Variants in PDE10A observed in about 807,000 individuals in gnomAD.
The protein encoded by PDE10A is phosphodiesterase 10A.
Under a neutral mutation model 97.7 loss-of-function variants are expected in PDE10A, and 39 were observed. The observed-to-expected ratio is 0.40, with a 90% CI of 0.31 to 0.52. The LOEUF is 0.52. Ranked by LOEUF, PDE10A falls within the 20% of genes least tolerant of loss-of-function variation. The pLI is 0.56. For synonymous variants in PDE10A, 371 were observed against 376.8 expected, an observed-to-expected ratio of 0.98 and a Z score of 0.18; for missense variants, 731 against 1,047.8, an observed-to-expected ratio of 0.70 and a Z score of 4.17.
At chr6:165,794,444 TCA>T (rs1171109710) in intron 1 of PDE10A, among the ~76,000 whole-genome samples, 13 of 151,296 alleles carry the variant, frequency 8.6e-5, no homozygotes, top group South Asian at 6.3e-4. Context: ...TCACTTGTAC[TCA>T]CACACTCACA....
intron 1 of PDE10A, among the ~76,000 whole-genome samples, chr6:165,613,996 C>T (rs1356006724): frequency 6.6e-6 from 1 of 152,190 alleles, no homozygotes; most frequent in African/African-American, 2.4e-5. Flanking sequence ...AAACTGGAGG[C>T]CAGCCTGGGA....
rs77772574 is a variant in PDE10A, at chr6:165,736,494, C to T, written c.-614-192926G>A. 2.3e-3 allele frequency among the ~76,000 whole-genome samples: 344 copies of T among 152,298 alleles called. 3 individuals carry two copies. The highest frequency in any genetic ancestry group is 8.0e-3 in the African/African-American group (333 of 41,558). On this transcript the variant is annotated intron_variant, in intron 1 of 19. Transcript: ENST00000366882. Reference sequence around the variant, plus strand: ...ACCAACTTCACTGTGGACCCCAGCGCCAGGCTCATGCCACTGAACCCTCGT... The same window carrying T: ...ACCAACTTCACTGTGGACCCCAGCGTCAGGCTCATGCCACTGAACCCTCGT...
intron 1 of PDE10A, among the ~76,000 whole-genome samples, chr6:165,629,109 G>A (rs1229673287): frequency 2.0e-5 from 3 of 152,000 alleles, no homozygotes; most frequent in African/African-American, 2.4e-5. Flanking sequence ...TAATGACTAA[G>A]AGTTGAAGAA....
At chr6:165,733,031 C>T (rs556076633) in intron 1 of PDE10A, among the ~76,000 whole-genome samples, 3 of 152,286 alleles carry the variant, frequency 2.0e-5, no homozygotes, top group Admixed American at 1.3e-4. Flanking sequence ...CCACCTGCCC[C>T]GAATTCCAAA....
At chr6:165,875,027 A>T (rs1488769459) in intron 1 of PDE10A, among the ~76,000 whole-genome samples, 1 of 152,228 alleles carries the variant, frequency 6.6e-6, no homozygotes, top group African/African-American at 2.4e-5. Context: ...TGAAGCAAAG[A>T]AATGTGCACA....
At chr6:165,946,684 T>C (rs969255387) in intron 1 of PDE10A, 1 of 152,138 alleles carries the variant, frequency 6.6e-6, no homozygotes, top group African/African-American at 2.4e-5. Flanking sequence ...TTGCACATAA[T>C]AAATACATAA....
At chr6:165,394,629 T>C (rs891715519) in intron 15 of PDE10A, among the ~76,000 whole-genome samples, 1 of 152,216 alleles carries the variant, frequency 6.6e-6, no homozygotes, top group African/African-American at 2.4e-5. Flanking sequence ...TCTAGATCCT[T>C]GAGGAATCAC....
intron 21 of PDE10A, among the ~76,000 whole-genome samples, chr6:165,334,347 AGCGCCGG>A (rs1431485534): frequency 3.4e-5 from 5 of 148,548 alleles, no homozygotes; most frequent in East Asian, 2.0e-4. Context: ...AGCGCCCTAC[AGCGCCGG>A]GCACGCGCCT....
intron 1 of PDE10A, among the ~76,000 whole-genome samples, chr6:165,829,949 T>C (rs1241800358): frequency 6.6e-6 from 1 of 152,072 alleles, no homozygotes; most frequent in Non-Finnish European, 1.5e-5. Context: ...AGGGAAGAAA[T>C]GTACAACACG....
At chr6:165,735,805 C>G (rs1792562546) in intron 1 of PDE10A, among the ~76,000 whole-genome samples, 2 of 152,190 alleles carry the variant, frequency 1.3e-5, no homozygotes, top group Non-Finnish European at 2.9e-5. Context: ...TATGTGGAAC[C>G]AAATATCTGG....
intron 1 of PDE10A, among the ~76,000 whole-genome samples, chr6:165,650,626 T>C (rs1171727521): frequency 6.6e-6 from 1 of 152,222 alleles, no homozygotes; most frequent in Non-Finnish European, 1.5e-5. Context: ...AGACAGGCCA[T>C]TAGATGGTTT....
At chr6:165,948,253 G>T (rs1375199930) in intron 1 of PDE10A, 1 of 152,162 alleles carries the variant, frequency 6.6e-6, no homozygotes, top group East Asian at 1.9e-4. Flanking sequence ...ATCAAGTGCA[G>T]GTGGAGAGAC....
Position 165,567,231 on chromosome 6 carries a change from T to C in PDE10A, c.866-23663A>G, listed in dbSNP as rs530266809. ...ACTGCATGAGTCTATTTATTTAAAG[T>C]TGGAAAAATGTCACTATCTGTAAGA... is the stretch of plus-strand genomic sequence containing the variant. On this transcript the variant is annotated intron_variant, in intron 1 of 21. Transcript: ENST00000539869. Among the ~76,000 whole-genome samples the C allele has an allele frequency of 9.6e-4, 146 of 152,274 alleles. 1 individual carries two copies. The highest frequency in any genetic ancestry group is 3.4e-3 in the African/African-American group (140 of 41,556).
chr6:165,408,969 C>T lies in PDE10A; in HGVS notation c.2076+4532G>A, dbSNP rs570724321. Among the ~76,000 whole-genome samples, 1,366 of 146,348 alleles carry T rather than the reference C, an allele frequency of 9.3e-3. 24 individuals are homozygous for T. The highest frequency in any genetic ancestry group is 0.033 in the African/African-American group (1,306 of 39,848). On this transcript the variant is annotated intron_variant, in intron 13 of 21. Transcript: ENST00000539869. ...TCACGAGGTCAGGAGATCGAGACCACCCTGGCTAACACGGCGAAACCCCAT... is the reference window on the plus strand; with the variant it reads ...TCACGAGGTCAGGAGATCGAGACCATCCTGGCTAACACGGCGAAACCCCAT...
At chr6:165,472,690 T>C (rs1014176065) in intron 3 of PDE10A, among the ~76,000 whole-genome samples, 8 of 152,128 alleles carry the variant, frequency 5.3e-5, no homozygotes, top group Non-Finnish European at 1.2e-4. Context: ...CTAAGTGTCA[T>C]TTACATTATA....
intron 1 of PDE10A, among the ~76,000 whole-genome samples, chr6:165,937,506 A>T (rs1783373758): frequency 6.6e-6 from 1 of 152,230 alleles, no homozygotes; most frequent in Non-Finnish European, 1.5e-5. Context: ...TTCTTAATAG[A>T]ACCTTTCTTA....
chr6:165,947,341 A>G (rs1235123885), intron 1 of PDE10A: 4 of 152,232 alleles, frequency 2.6e-5, no homozygotes, highest in Non-Finnish European at 5.9e-5. Flanking sequence ...TTAAGTTGAC[A>G]GTGGGTTAAG....
rs956712115 is a variant in PDE10A at position 165,855,318 on chromosome 6, G to A, written c.-615+132211C>T. Among the ~76,000 whole-genome samples, 9 of 138,668 alleles carry A rather than the reference G, an allele frequency of 6.5e-5. No homozygotes were observed. The East Asian group carries it at 1.7e-3, about 26-fold the overall frequency. The allele number at this position is 138,668 out of a possible 152,430, so 91.0% of individuals were successfully genotyped here. A position where few individuals can be genotyped will look rare whatever the true frequency, so the allele number is the denominator to read the frequency against. On this transcript the variant is annotated intron_variant, in intron 1 of 19. Transcript: ENST00000366882. ...CGCGGGAAGTGGCGGGGGGGGGGGGGGACTCAGGGGCGCTGCCTCCTGTGG... is the reference window on the plus strand; with the variant it reads ...CGCGGGAAGTGGCGGGGGGGGGGGGAGACTCAGGGGCGCTGCCTCCTGTGG...
intron 1 of PDE10A, among the ~76,000 whole-genome samples, chr6:165,842,045 G>T (rs1365255505): frequency 6.6e-6 from 1 of 152,194 alleles, no homozygotes; most frequent in African/African-American, 2.4e-5. Flanking sequence ...GTACAAGTTG[G>T]AAAAAGGTTT....
Sources: allele counts gnomAD v4.1 joint callset (sites outside exome capture counted in the v4.1 genomes callset), GRCh38; gene constraint gnomAD v4.1.1; transcripts MANE v1.5; gene names NCBI Gene and HGNC (gene_info 2026-07-23, HGNC 2026-07-21).